ARHGEF38: variants seen among roughly 807,000 people sequenced by gnomAD.
The protein encoded by ARHGEF38 is Rho guanine nucleotide exchange factor (GEF) 38.
In ARHGEF38, 79 loss-of-function variants were observed where a neutral mutation model predicts 79.9. The ratio of observed to expected loss-of-function variants is 0.99; its 90% CI spans 0.82 to 1.19. The LOEUF (loss-of-function observed/expected upper bound fraction) is 1.19, where lower values mean the gene tolerates loss of function less well. Among genes scored for constraint, ARHGEF38 ranks in the 50% most tolerant of loss-of-function variants. ARHGEF38 has a pLI of 0.00. For missense variants in ARHGEF38, 962 were observed against 907.2 expected, an observed-to-expected ratio of 1.06 and a Z score of -0.78; for synonymous variants, 366 against 328.3, an observed-to-expected ratio of 1.11 and a Z score of -1.24.
intron 2 of ARHGEF38, among the ~76,000 whole-genome samples, chr4:105,605,570 G>A (rs1166200214): frequency 2.6e-5 from 4 of 152,136 alleles, no homozygotes; most frequent in Non-Finnish European, 1.5e-5. Flanking sequence ...AAGACTTGCT[G>A]TATAGCTGTG....
intron 1 of ARHGEF38, among the ~76,000 whole-genome samples, chr4:105,566,130 C>T (rs777963168): frequency 1.2e-4 from 19 of 152,176 alleles, no homozygotes; most frequent in Non-Finnish European, 1.8e-4. Context: ...TCCTCATTGT[C>T]GAGATCTGTC....
chr4:105,627,843 A>G (rs1729012140), intron 3 of ARHGEF38, among the ~76,000 whole-genome samples: 2 of 152,266 alleles, frequency 1.3e-5, no homozygotes, highest in African/African-American at 4.8e-5. Flanking sequence ...TGCAAGACAC[A>G]CTGCTTCATC....
Position 105,679,997 on chromosome 4 carries a change from G to A in ARHGEF38, c.*2060G>A. The stretch of plus-strand genomic sequence containing the variant: ...TCCCCATGTAAACACAGTGCATTCT[G>A]TTTTGTGCGGATTCATGGCCATGTC... On this transcript the variant is annotated 3_prime_UTR_variant, in exon 14 of 14. Coordinates refer to ENST00000420470, the MANE Select transcript of ARHGEF38 (RefSeq NM_001242729.2). 8.6e-7 allele frequency: 1 copy of A among 1,164,440 alleles called. No individual in the cohort carries two copies. Among genetic ancestry groups the A allele is most frequent in the South Asian group, 1.2e-5 (1 of 81,926 alleles). The allele number at this position is 1,164,440 out of a possible 1,614,324, so 72.1% of individuals were successfully genotyped here.
chr4:105,563,128 TC>T (rs1205730377), intron 1 of ARHGEF38, among the ~76,000 whole-genome samples: 2 of 152,142 alleles, frequency 1.3e-5, no homozygotes, highest in Admixed American at 6.6e-5. Flanking sequence ...TAATAATTTA[TC>T]CCTTCCTTTA....
chr4:105,659,237 C>G lies in ARHGEF38; in HGVS notation c.1417C>G (p.Leu473Val). ...GGAGTATGAGGCCCTCAACGCCCAG[C>G]TTGTGGAGGAGCTCCAGGCATTCAA... ...KKEYEALNAQ[L>V]VEELQAFNQA... is the part of the protein sequence containing the mutation. The change falls in exon 10 of 14, where the codon CTT becomes GTT. Residue 473 changes from leucine (L) to valine (V), a missense_variant. Coordinates refer to ENST00000420470, the MANE Select transcript of ARHGEF38 (RefSeq NM_001242729.2). 2.6e-6 allele frequency: 4 copies of G among 1,536,110 alleles called. No homozygotes were observed. The South Asian group carries it at 3.6e-5, about 14-fold the overall frequency.
intron 1 of ARHGEF38, among the ~76,000 whole-genome samples, chr4:105,566,238 C>G (rs1243132705): frequency 6.6e-6 from 1 of 152,150 alleles, no homozygotes; most frequent in Non-Finnish European, 1.5e-5. Flanking sequence ...TGCCACCAAG[C>G]CTTTAAATAT....
intron 3 of ARHGEF38, among the ~76,000 whole-genome samples, chr4:105,622,649 G>A (rs1728784384): frequency 6.6e-6 from 1 of 152,184 alleles, no homozygotes. Flanking sequence ...CAGGACTAGT[G>A]CAACTGCTTG....
At chr4:105,665,661 C>A (rs188124746) in intron 10 of ARHGEF38, among the ~76,000 whole-genome samples, 25 of 152,216 alleles carry the variant, frequency 1.6e-4, no homozygotes, top group African/African-American at 5.1e-4. Context: ...GTCTCAAATT[C>A]TTGGGCACAA....
intron 2 of ARHGEF38, among the ~76,000 whole-genome samples, chr4:105,611,937 G>A (rs1306561250): frequency 6.6e-6 from 1 of 152,036 alleles, no homozygotes; most frequent in Non-Finnish European, 1.5e-5. Flanking sequence ...GATGAATGAT[G>A]GGAAAGTGAA....
At position 105,630,956 on chromosome 4, in the gene ARHGEF38, T is replaced by C; in HGVS notation, c.567T>C (p.Tyr189=). The C allele has an allele frequency of 6.2e-7, 1 of 1,613,592 alleles. No homozygotes were observed. The highest frequency in any genetic ancestry group is 8.5e-7 in the Non-Finnish European group (1 of 1,179,792). ...AAGATATTTATAAAATCTACTGCTA[T>C]CACCATGATGAAGCACATAGTATAC... ...PLEDIYKIYC[Y]HHDEAHSILE... The change falls in exon 4 of 14, where the codon TAT becomes TAC. Residue 189 remains tyrosine, a synonymous_variant. Coordinates refer to ENST00000420470, the MANE Select transcript of ARHGEF38 (RefSeq NM_001242729.2).
intron 1 of ARHGEF38, among the ~76,000 whole-genome samples, chr4:105,572,612 T>C (rs1726293266): frequency 6.6e-6 from 1 of 152,188 alleles, no homozygotes; most frequent in African/African-American, 2.4e-5. Context: ...CTATTCTAAG[T>C]ACCTCATACA....
chr4:105,637,837 A>G (rs960168088), intron 5 of ARHGEF38, among the ~76,000 whole-genome samples: 1 of 152,158 alleles, frequency 6.6e-6, no homozygotes, highest in Non-Finnish European at 1.5e-5. Flanking sequence ...CATTGTATTG[A>G]AACACGCTTA....
intron 1 of ARHGEF38, among the ~76,000 whole-genome samples, chr4:105,575,769 T>G (rs1726465943): frequency 6.6e-6 from 1 of 152,168 alleles, no homozygotes; most frequent in Admixed American, 6.5e-5. Context: ...CTTCTAGAAT[T>G]TTTATGCTTT....
At chr4:105,633,721 G>A (rs1402481292) in intron 4 of ARHGEF38, among the ~76,000 whole-genome samples, 2 of 152,058 alleles carry the variant, frequency 1.3e-5, no homozygotes, top group East Asian at 3.8e-4. Context: ...TTTAATAAGA[G>A]TGCTAAATAA....
At chr4:105,559,015 C>T (rs1427753710) in intron 1 of ARHGEF38, among the ~76,000 whole-genome samples, 1 of 150,236 alleles carries the variant, frequency 6.7e-6, no homozygotes, top group African/African-American at 2.4e-5. Context: ...AGCACCCAAG[C>T]CACATTCATC....
intron 13 of ARHGEF38, among the ~76,000 whole-genome samples, chr4:105,676,792 A>T (rs944626286): frequency 2.0e-5 from 3 of 152,104 alleles, no homozygotes; most frequent in Admixed American, 6.5e-5. Flanking sequence ...TAAAGAAGGG[A>T]ACAAGGAAGT....
At chr4:105,568,619 A>G (rs1726058692) in intron 1 of ARHGEF38, among the ~76,000 whole-genome samples, 1 of 152,236 alleles carries the variant, frequency 6.6e-6, no homozygotes, top group South Asian at 2.1e-4. Context: ...GTATGTAATT[A>G]TAAACATATT....
chr4:105,608,285 T>C (rs1728140581), intron 2 of ARHGEF38, among the ~76,000 whole-genome samples: 1 of 152,116 alleles, frequency 6.6e-6, no homozygotes, highest in Admixed American at 6.6e-5. Context: ...TCATATCTCA[T>C]TTGATTTTAA....
intron 10 of ARHGEF38, among the ~76,000 whole-genome samples, chr4:105,661,513 A>ATTG (rs1560755744): frequency 2.2e-5 from 3 of 139,516 alleles, no homozygotes; most frequent in African/African-American, 8.2e-5. Context: ...TATTATTATT[A>ATTG]TTATTGTTAT....
Sources: allele counts gnomAD v4.1 joint callset (sites outside exome capture counted in the v4.1 genomes callset), GRCh38; gene constraint gnomAD v4.1.1; transcripts MANE v1.5; gene names NCBI Gene and HGNC (gene_info 2026-07-23, HGNC 2026-07-21).